The following COX10 variants were observed in gnomAD, a reference collection of about 807,000 sequenced individuals.
COX10 encodes the protein protoheme IX farnesyltransferase, mitochondrial.
In COX10, 27 loss-of-function variants were observed where a neutral mutation model predicts 37.3. That is an observed-to-expected ratio of 0.72 (90% CI 0.53 to 1.00). The LOEUF is 1.00. Among genes scored for constraint, COX10 ranks in the 50% least tolerant of loss-of-function variants. COX10 has a pLI of 0.00. For missense variants in COX10, 475 were observed against 563.2 expected (o/e 0.84, Z 1.59); for synonymous variants, 222 against 229.1 (o/e 0.97, Z 0.28).
chr17:14,083,183 A>G (rs1416755482), intron 3 of COX10, among the ~76,000 whole-genome samples: 2 of 152,196 alleles, frequency 1.3e-5, no homozygotes, highest in African/African-American at 2.4e-5. Context: ...TATTTTATAT[A>G]TTCCACGCCC....
intron 4 of COX10, among the ~76,000 whole-genome samples, chr17:14,136,971 C>T (rs992298620): frequency 3.3e-5 from 5 of 151,624 alleles, no homozygotes; most frequent in African/African-American, 1.2e-4. Context: ...GTGTGTGTTT[C>T]TTTTTTAAAA....
At chr17:14,180,241 A>T (rs961150587) in intron 5 of COX10, among the ~76,000 whole-genome samples, 10 of 152,052 alleles carry the variant, frequency 6.6e-5, no homozygotes, top group African/African-American at 2.4e-4. Context: ...ATATATTGCT[A>T]ATGTAATAAG....
At chr17:14,092,015 A>G (rs986593930) in intron 3 of COX10, among the ~76,000 whole-genome samples, 1 of 152,160 alleles carries the variant, frequency 6.6e-6, no homozygotes, top group Non-Finnish European at 1.5e-5. Context: ...TAAAAAGGTT[A>G]TAAATTTTTG....
chr17:14,207,007 A>G lies in COX10; in HGVS notation c.1126A>G (p.Ile376Val), dbSNP rs147675776. The G allele has an allele frequency of 6.8e-6, 11 of 1,613,936 alleles. No individual in the cohort carries two copies. Among genetic ancestry groups the G allele is most frequent in the Non-Finnish European group, 9.3e-6 (11 of 1,179,928 alleles). ...VLSAAAPVLD[I>V]TTWTFPIMAL... is the part of the protein sequence containing the mutation. ...GTCCGCAGCAGCCCCTGTGCTGGAC[A>G]TCACCACATGGACCTTCCCCATCAT... The change falls in exon 7 of 7, where the codon ATC (isoleucine) becomes GTC (valine). Residue 376 changes from isoleucine to valine, a missense_variant. This residue lies in a region of COX10 where 160 missense variants were observed against 180.6 expected (regional missense o/e 0.89). Coordinates refer to ENST00000261643, the MANE Select transcript of COX10 (RefSeq NM_001303.4).
Position 14,207,112 on chromosome 17 carries a change from C to T in COX10, c.1231C>T (p.Leu411=). ...VDADRRSSRR[L]FFCSLWHLPL... is the part of the protein sequence containing the mutation. ...CGCAGACCGCAGGAGCTCGCGGAGACTGTTCTTCTGCAGCCTGTGGCACCT... is the reference window on the plus strand; with the variant it reads ...CGCAGACCGCAGGAGCTCGCGGAGATTGTTCTTCTGCAGCCTGTGGCACCT... Residue 411 remains leucine, a synonymous_variant, in exon 7 of 7, where the codon CTG becomes TTG. Transcript: ENST00000261643. 2 of 1,613,654 alleles carry T rather than the reference C, an allele frequency of 1.2e-6. No individual in the cohort carries two copies. Among genetic ancestry groups the T allele is most frequent in the Non-Finnish European group, 1.7e-6 (2 of 1,179,936 alleles).
intron 6 of COX10, among the ~76,000 whole-genome samples, chr17:14,199,923 A>C (rs1004469403): frequency 1.3e-5 from 2 of 152,158 alleles, no homozygotes; most frequent in African/African-American, 4.8e-5. Flanking sequence ...TAACCCTAAA[A>C]GCACAAATAG....
chr17:14,195,072 C>A (rs1440289133), intron 6 of COX10, among the ~76,000 whole-genome samples: 1 of 152,172 alleles, frequency 6.6e-6, no homozygotes, highest in Non-Finnish European at 1.5e-5. Flanking sequence ...CAGTTAATTG[C>A]AGATCAAACC....
chr17:14,146,733 C>T (rs569901788), intron 4 of COX10, among the ~76,000 whole-genome samples: 1 of 152,254 alleles, frequency 6.6e-6, no homozygotes, highest in South Asian at 2.1e-4. Context: ...TATTTGCAAA[C>T]TACCCATCTG....
At chr17:14,104,513 G>T (rs1473390275) in intron 4 of COX10, among the ~76,000 whole-genome samples, 1 of 151,988 alleles carries the variant, frequency 6.6e-6, no homozygotes, top group African/African-American at 2.4e-5. Context: ...TTTTTAGAGG[G>T]CTAGTGTTCA....
intron 4 of COX10, among the ~76,000 whole-genome samples, chr17:14,107,559 C>T (rs1276665630): frequency 1.3e-5 from 2 of 151,518 alleles, no homozygotes; most frequent in African/African-American, 4.9e-5. Context: ...CAAGTGTTCC[C>T]ATGAGACAAG....
intron 4 of COX10, among the ~76,000 whole-genome samples, chr17:14,131,203 A>T (rs1168335399): frequency 6.6e-6 from 1 of 152,174 alleles, no homozygotes; most frequent in East Asian, 1.9e-4. Flanking sequence ...CAGTTACTGT[A>T]ATTTAGAAGA....
chr17:14,070,603 G>A (rs1914998189), intron 1 of COX10, among the ~76,000 whole-genome samples: 2 of 152,158 alleles, frequency 1.3e-5, no homozygotes. Flanking sequence ...GATGCCGGTG[G>A]TGCATATTAG....
chr17:14,159,845 A>C, intron 4 of COX10, 32 bp from the exon 5 acceptor site: 6 of 1,519,158 alleles, frequency 3.9e-6, no homozygotes, highest in Non-Finnish European at 5.5e-6. Context: ...TTTATAGTTA[A>C]TGTTTTCTGT....
Position 14,159,682 on chromosome 17 carries a change from AATT to A in COX10, c.625-191_625-189del, listed in dbSNP as rs34043253. ...GTAGATATTCCTGACACCTAGTGCAAATTATTGTTGTTGTTTTGGTTTTTTGTT... is the reference window on the plus strand; with the variant it reads ...GTAGATATTCCTGACACCTAGTGCAAATTGTTGTTGTTTTGGTTTTTTGTT... On this transcript the variant is annotated intron_variant, in intron 4 of 6. Transcript: ENST00000261643. 0.58 allele frequency among the ~76,000 whole-genome samples: 87,739 copies of A among 151,544 alleles called. 25,793 individuals carry two copies. Among genetic ancestry groups the A allele is most frequent in the East Asian group, 0.62 (3,205 of 5,132 alleles).
chr17:14,085,873 G>A (rs1915398255), intron 3 of COX10, among the ~76,000 whole-genome samples: 1 of 152,158 alleles, frequency 6.6e-6, no homozygotes, highest in Non-Finnish European at 1.5e-5. Flanking sequence ...TGATGATAAT[G>A]TATTCTTCTG....
intron 5 of COX10, among the ~76,000 whole-genome samples, chr17:14,181,253 C>T (rs1905849430): frequency 1.3e-5 from 2 of 152,186 alleles, no homozygotes; most frequent in South Asian, 2.1e-4. Context: ...TAATTAGACA[C>T]GTTCACAGAA....
At chr17:14,199,385 A>C (rs1906461543) in intron 6 of COX10, among the ~76,000 whole-genome samples, 2 of 152,228 alleles carry the variant, frequency 1.3e-5, no homozygotes, top group Non-Finnish European at 2.9e-5. Flanking sequence ...AGGGAGTAGG[A>C]AGCATTTGAA....
In COX10 at chr17:14,159,720, G is replaced by T. The variant is rs1905132610; in HGVS notation, c.625-157G>T. ...GTTTTGGTTTTTTGTTTGTTTGTTT[G>T]TTTTTTTGGAATTTTTCTTCAAGAA... On this transcript the variant is annotated intron_variant, in intron 4 of 6. Coordinates refer to ENST00000261643, the MANE Select transcript of COX10 (RefSeq NM_001303.4). Among the ~76,000 whole-genome samples, 3 of 151,940 alleles carry T rather than the reference G, an allele frequency of 2.0e-5. No individual in the cohort carries two copies. The South Asian group carries it at 6.2e-4, about 32-fold the overall frequency.
At chr17:14,085,074 A>G (rs1346824808) in intron 3 of COX10, among the ~76,000 whole-genome samples, 3 of 152,138 alleles carry the variant, frequency 2.0e-5, no homozygotes, top group Non-Finnish European at 4.4e-5. Context: ...TCCCTGGTCT[A>G]CAATTTTATT....
Sources: gnomAD v4.1 joint callset for allele counts (sites outside exome capture counted in the v4.1 genomes callset) on GRCh38, gnomAD v4.1.1 for gene constraint, gnomAD v4.1.1 regional missense constraint, MANE v1.5 for transcripts, NCBI Gene and HGNC (gene_info 2026-07-23, HGNC 2026-07-21) for gene names.